The following ZNF609 variants were observed in gnomAD, a reference collection of about 807,000 sequenced individuals.
ZNF609 encodes the protein zinc finger protein 609.
A neutral mutation model predicts 109.5 loss-of-function variants in ZNF609; 11 were observed. The ratio of observed to expected loss-of-function variants is 0.10; its 90% CI spans 0.06 to 0.17. The LOEUF (loss-of-function observed/expected upper bound fraction) is 0.17. Ranked by LOEUF, ZNF609 falls within the 10% of genes least tolerant of loss-of-function variation. The pLI, the probability that ZNF609 is intolerant of heterozygous loss-of-function variation, is 1.00. For missense variants in ZNF609, 1,559 were observed against 1,772.4 expected (o/e 0.88, Z 2.16); for synonymous variants, 646 against 662.0 (o/e 0.98, Z 0.37).
chr15:64,559,159 T>C (rs2140401569), intron 2 of ZNF609, among the ~76,000 whole-genome samples: 1 of 152,376 alleles, frequency 6.6e-6, no homozygotes, highest in South Asian at 2.1e-4. Flanking sequence ...GCCTCATAAA[T>C]GTAAATTTTT....
chr15:64,654,645 C>G (rs1188624011), intron 3 of ZNF609, among the ~76,000 whole-genome samples: 1 of 152,096 alleles, frequency 6.6e-6, no homozygotes, highest in Non-Finnish European at 1.5e-5. Flanking sequence ...TGTGTGAGAA[C>G]AGATTGAGAT....
At chr15:64,627,646 TAG>T (rs1895986900) in intron 3 of ZNF609, among the ~76,000 whole-genome samples, 1 of 147,934 alleles carries the variant, frequency 6.8e-6, no homozygotes, top group Non-Finnish European at 1.5e-5. Context: ...CAGTTCTTTT[TAG>T]TTCTTTTTTT....
intron 2 of ZNF609, among the ~76,000 whole-genome samples, chr15:64,581,453 T>G (rs1304642383): frequency 6.6e-6 from 1 of 152,044 alleles, no homozygotes; most frequent in African/African-American, 2.4e-5. Flanking sequence ...AGCCACAAAG[T>G]TAAGCACTTC....
Position 64,676,081 on chromosome 15 carries a change from A to T in ZNF609, c.3227A>T (p.Lys1076Ile), listed in dbSNP as rs146869534. The change falls in exon 5 of 10, where the codon AAA (lysine) becomes ATA (isoleucine). Residue 1076 changes from lysine to isoleucine, a missense_variant. Coordinates refer to ENST00000326648, the MANE Select transcript of ZNF609 (RefSeq NM_015042.2). ...KAKEPGADPA[K>I]SVIIPKLDDS... ...AAGGAGCCAGGGGCTGACCCAGCCA[A>T]ATCAGTCATCATTCCCAAGTTAGAT... 13 of 1,614,112 alleles carry T rather than the reference A, an allele frequency of 8.1e-6. No homozygotes were observed. The African/African-American group carries it at 1.7e-4, about 22-fold the overall frequency.
At chr15:64,654,388 A>G (rs751668022) in intron 3 of ZNF609, 1 of 152,108 alleles carries the variant, frequency 6.6e-6, no homozygotes, top group Non-Finnish European at 1.5e-5. Context: ...TTTTTATTAT[A>G]CATGTCATGA....
chr15:64,488,589 G>T lies in ZNF609; in HGVS notation c.-127-10704G>T, dbSNP rs1438195335. Among the ~76,000 whole-genome samples, 3 of 152,024 alleles carry T rather than the reference G, an allele frequency of 2.0e-5. No individual in the cohort carries two copies. The East Asian group carries it at 5.8e-4, about 29-fold the overall frequency. ...ATTTATGTGAATCCCACCCTTTTTT[G>T]TGGCTAGTCTAACATTATTTATATT... On this transcript the variant is annotated intron_variant, in intron 1 of 9. Coordinates refer to ENST00000326648, the MANE Select transcript of ZNF609 (RefSeq NM_015042.2).
intron 4 of ZNF609, among the ~76,000 whole-genome samples, chr15:64,671,071 G>A (rs374458395): frequency 2.0e-5 from 3 of 151,088 alleles, no homozygotes; most frequent in African/African-American, 4.9e-5. Flanking sequence ...TTAGCCGGGC[G>A]TGGTGGCGAG....
intron 1 of ZNF609, among the ~76,000 whole-genome samples, chr15:64,497,053 G>T (rs1204942454): frequency 1.3e-5 from 2 of 152,158 alleles, no homozygotes; most frequent in African/African-American, 4.8e-5. Context: ...GGGCTCAAGT[G>T]ATTCTCCCGC....
chr15:64,618,757 G>A (rs925578394), intron 2 of ZNF609, among the ~76,000 whole-genome samples: 6 of 151,986 alleles, frequency 3.9e-5, no homozygotes, highest in African/African-American at 4.8e-5. Flanking sequence ...CTCTTCTGCC[G>A]GCATGCTCCT....
chr15:64,578,617 C>T (rs58756646), intron 2 of ZNF609, among the ~76,000 whole-genome samples: 9 of 151,998 alleles, frequency 5.9e-5, no homozygotes, highest in Non-Finnish European at 1.2e-4. Flanking sequence ...AGCTTGAACC[C>T]GGGAGGTGGA....
In ZNF609 at chr15:64,577,288, TAC is replaced by T. The variant is rs1479259980; in HGVS notation, c.748-45533_748-45532del. Among the ~76,000 whole-genome samples, 4 of 34,888 alleles carry T rather than the reference TAC, an allele frequency of 1.1e-4. 2 individuals carry two copies. Among genetic ancestry groups the T allele is most frequent in the Non-Finnish European group, 2.7e-4 (2 of 7,400 alleles). The allele number at this position is 34,888 out of a possible 152,430, so 22.9% of individuals were successfully genotyped here. Reference sequence around the variant, plus strand: ...AAATATATACATATATGTATATATATACACACAAATATATACATATATGTATA... The same window carrying T: ...AAATATATACATATATGTATATATATACACAAATATATACATATATGTATA... On this transcript the variant is annotated intron_variant, in intron 2 of 9. Coordinates refer to ENST00000326648, the MANE Select transcript of ZNF609 (RefSeq NM_015042.2).
chr15:64,556,688 T>G (rs1488159960), intron 2 of ZNF609, among the ~76,000 whole-genome samples: 1 of 152,224 alleles, frequency 6.6e-6, no homozygotes, highest in Non-Finnish European at 1.5e-5. Flanking sequence ...TTAGTCTGTT[T>G]GTAATCTGTT....
intron 1 of ZNF609, among the ~76,000 whole-genome samples, chr15:64,465,299 GTGTTTTTATATTA>G (rs1225103909): frequency 2.0e-5 from 3 of 152,210 alleles, no homozygotes; most frequent in Admixed American, 6.5e-5. Flanking sequence ...GATTTTGCAT[GTGTTTTTATATTA>G]TGTTTTTATA....
At chr15:64,660,222 C>A (rs957866765) in intron 3 of ZNF609, among the ~76,000 whole-genome samples, 8 of 152,110 alleles carry the variant, frequency 5.3e-5, no homozygotes, top group African/African-American at 1.9e-4. Context: ...AATAAACAAC[C>A]TTTGAATGCC....
At chr15:64,569,285 A>G (rs1894825231) in intron 2 of ZNF609, among the ~76,000 whole-genome samples, 1 of 152,156 alleles carries the variant, frequency 6.6e-6, no homozygotes, top group Non-Finnish European at 1.5e-5. Flanking sequence ...TTTCTCCTCT[A>G]TTATATAAGA....
At chr15:64,562,040 G>A (rs903230952) in intron 2 of ZNF609, among the ~76,000 whole-genome samples, 1 of 152,162 alleles carries the variant, frequency 6.6e-6, no homozygotes, top group African/African-American at 2.4e-5. Flanking sequence ...TGTACTGCCT[G>A]ACATCCAAAT....
At chr15:64,551,036 G>A (rs1300239840) in intron 2 of ZNF609, among the ~76,000 whole-genome samples, 3 of 152,034 alleles carry the variant, frequency 2.0e-5, no homozygotes, top group Non-Finnish European at 4.4e-5. Context: ...TTTCCTGTAT[G>A]TTTTTCTCTA....
At chr15:64,548,461 A>C (rs1050799986) in intron 2 of ZNF609, among the ~76,000 whole-genome samples, 1 of 152,220 alleles carries the variant, frequency 6.6e-6, no homozygotes, top group African/African-American at 2.4e-5. Flanking sequence ...GAATGTGCTC[A>C]GTTAATAGAA....
rs1680925835 is a variant in ZNF609 at position 64,684,090 on chromosome 15, T to G, written c.*2404T>G. ...TGAAAGCCACCATGGCAGATCCTGA[T>G]GCCTGCCGGGCCTAGTCTTCCCTCT... is the stretch of plus-strand genomic sequence containing the variant. On this transcript the variant is annotated 3_prime_UTR_variant, in exon 10 of 10. Transcript: ENST00000326648. The G allele has an allele frequency of 6.6e-6, 1 of 152,248 alleles. No homozygotes were observed. Among genetic ancestry groups the G allele is most frequent in the Non-Finnish European group, 1.5e-5 (1 of 68,066 alleles). 9.4% of individuals were successfully genotyped at this position (152,248 alleles called of 1,614,324 possible).
Sources: gnomAD v4.1 joint callset for allele counts (sites outside exome capture counted in the v4.1 genomes callset) on GRCh38, gnomAD v4.1.1 for gene constraint, MANE v1.5 for transcripts, NCBI Gene and HGNC (gene_info 2026-07-23, HGNC 2026-07-21) for gene names.